Variants in ABCC1 observed in about 807,000 individuals in gnomAD.
ABCC1 encodes multidrug resistance-associated protein 1.
ABCC1 carries 83 observed loss-of-function variants against 172.9 expected under a neutral mutation model. The observed-to-expected ratio is 0.48, with a 90% CI of 0.40 to 0.58. The LOEUF (loss-of-function observed/expected upper bound fraction) is 0.58. Ranked by LOEUF, ABCC1 falls within the 20% of genes least tolerant of loss-of-function variation. The pLI is 0.00. For missense variants in ABCC1, 1,817 were observed against 2,002.7 expected (o/e 0.91, Z 1.77); for synonymous variants, 937 against 825.2 (o/e 1.14, Z -2.32).
At chr16:15,985,546 G>C (rs1182168437) in intron 1 of ABCC1, among the ~76,000 whole-genome samples, 5 of 152,108 alleles carry the variant, frequency 3.3e-5, no homozygotes, top group African/African-American at 1.2e-4. Context: ...CTGGGTTCAA[G>C]TGATTCTCCT....
chr16:16,137,655 C>G (rs1342277637), intron 29 of ABCC1, among the ~76,000 whole-genome samples: 1 of 137,168 alleles, frequency 7.3e-6, no homozygotes, highest in Non-Finnish European at 1.6e-5. Flanking sequence ...CAGGCTCAAG[C>G]AATTGTTCTG....
chr16:16,106,138 A>G (rs1023963029), intron 20 of ABCC1, among the ~76,000 whole-genome samples: 2 of 152,054 alleles, frequency 1.3e-5, no homozygotes, highest in Non-Finnish European at 2.9e-5. Flanking sequence ...CGGCCTCCCA[A>G]AGTGCTGGGA....
Position 15,970,875 on chromosome 16 carries a change from G to T in ABCC1, c.48+21076G>T, listed in dbSNP as rs980229635. ...CTCCGAAAGTGTTGGGATTACAGGT[G>T]TGAGCCATTATACCTGGCCTTCAAC... On this transcript the variant is annotated intron_variant, in intron 1 of 30. Transcript: ENST00000399410. Among the ~76,000 whole-genome samples, 3 of 152,208 alleles carry T rather than the reference G, an allele frequency of 2.0e-5. No homozygotes were observed. The South Asian group carries it at 6.2e-4, about 31-fold the overall frequency.
intron 23 of ABCC1, among the ~76,000 whole-genome samples, chr16:16,119,808 G>T (rs2045071687): frequency 6.6e-6 from 1 of 152,310 alleles, no homozygotes; most frequent in South Asian, 2.1e-4. Context: ...ACTTGAGAGC[G>T]ATTTGCATCT....
At chr16:16,024,618 C>T (rs890397721) in intron 5 of ABCC1, among the ~76,000 whole-genome samples, 11 of 152,130 alleles carry the variant, frequency 7.2e-5, no homozygotes, top group Non-Finnish European at 1.6e-4. Flanking sequence ...TCCCAAAATG[C>T]TAGGATTACA....
chr16:16,113,146 C>A (rs2044695189), intron 22 of ABCC1, among the ~76,000 whole-genome samples: 1 of 152,162 alleles, frequency 6.6e-6, no homozygotes. Flanking sequence ...GGTAGCAGAG[C>A]ACACATGGAC....
chr16:16,009,923 C>T (rs1597110991), intron 3 of ABCC1, 22 bp downstream of exon 3: 2 of 1,574,076 alleles, frequency 1.3e-6, no homozygotes, highest in Non-Finnish European at 1.7e-6. Context: ...CTGGCTGTGA[C>T]CCCTGGGCCA....
Position 16,044,128 on chromosome 16 carries a change from C to G in ABCC1, c.810-322C>G, listed in dbSNP as rs538242957. On this transcript the variant is annotated intron_variant, in intron 7 of 30. Coordinates refer to ENST00000399410, the MANE Select transcript of ABCC1 (RefSeq NM_004996.4). ...TTCTAAGTCTTTAACTTATTCAACT[C>G]GTTTAATCTTACCTACCTTGGAGGT... Among the ~76,000 whole-genome samples the G allele has an allele frequency of 1.6e-4, 24 of 152,326 alleles. No individual in the cohort carries two copies. In the Middle Eastern group the frequency reaches 0.014, roughly 86 times the overall value.
intron 16 of ABCC1, among the ~76,000 whole-genome samples, chr16:16,080,438 C>T (rs1411278951): frequency 6.6e-6 from 1 of 152,100 alleles, no homozygotes; most frequent in East Asian, 1.9e-4. Flanking sequence ...TGAAATTCCC[C>T]AGGAGTGAGC....
chr16:15,954,257 G>C (rs920922161), intron 1 of ABCC1, among the ~76,000 whole-genome samples: 1 of 152,090 alleles, frequency 6.6e-6, no homozygotes, highest in Non-Finnish European at 1.5e-5. Flanking sequence ...TTGAACTCCT[G>C]ACCTCAAGTG....
upstream of ABCC1, among the ~76,000 whole-genome samples, chr16:15,949,200 C>A (rs551362816): frequency 1.6e-4 from 25 of 152,238 alleles, 1 homozygote; most frequent in South Asian, 4.6e-3. Context: ...CCTTCATGAA[C>A]GTGGAGACTT....
At chr16:16,040,594 ATTTAT>A (rs896538467) in intron 7 of ABCC1, among the ~76,000 whole-genome samples, 4 of 150,882 alleles carry the variant, frequency 2.7e-5, no homozygotes, top group African/African-American at 9.8e-5. Flanking sequence ...GCCTTTTTAA[ATTTAT>A]TTTATTTTAT....
Position 15,998,873 on chromosome 16 carries a change from A to G in ABCC1, c.49-8943A>G, listed in dbSNP as rs34781067. ...GTGGCAGTGGTGATTATTATCAACT[A>G]TTAGTATCTGCTACTACGGTTTATT... is the stretch of plus-strand genomic sequence containing the variant. On this transcript the variant is annotated intron_variant, in intron 1 of 30. Coordinates refer to ENST00000399410, the MANE Select transcript of ABCC1 (RefSeq NM_004996.4). 5.6e-3 allele frequency among the ~76,000 whole-genome samples: 856 copies of G among 152,284 alleles called. 7 individuals are homozygous for G. Among genetic ancestry groups the G allele is most frequent in the South Asian group, 8.7e-3 (42 of 4,824 alleles).
Position 15,977,934 on chromosome 16 carries a change from A to G in ABCC1, c.48+28135A>G, listed in dbSNP as rs182372870. ...CCTGTGTTGAAGTTTTCTTCTTTTTACAGGCTGTACAACCTTGGGCAAGTT... is the reference window on the plus strand; with the variant it reads ...CCTGTGTTGAAGTTTTCTTCTTTTTGCAGGCTGTACAACCTTGGGCAAGTT... On this transcript the variant is annotated intron_variant, in intron 1 of 30. Coordinates refer to ENST00000399410, the MANE Select transcript of ABCC1 (RefSeq NM_004996.4). 3.3e-5 allele frequency among the ~76,000 whole-genome samples: 5 copies of G among 152,232 alleles called. No homozygotes were observed. In the East Asian group the frequency reaches 9.6e-4, roughly 29 times the overall value.
At chr16:16,060,407 A>G (rs956572297) in intron 12 of ABCC1, among the ~76,000 whole-genome samples, 1 of 151,784 alleles carries the variant, frequency 6.6e-6, no homozygotes, top group African/African-American at 2.4e-5. Flanking sequence ...CCCTTCTGTA[A>G]CTCCATGTTC....
chr16:16,045,881 G>C lies in ABCC1; in HGVS notation c.1086G>C (p.Gln362His), dbSNP rs746828599. 1.2e-6 allele frequency: 2 copies of C among 1,614,164 alleles called. No individual in the cohort carries two copies. The highest frequency in any genetic ancestry group is 1.7e-5 in the Admixed American group (1 of 60,006). ...ATGACACGAAGGCCCCAGACTGGCA[G>C]GGCTACTTCTACACCGTGCTGCTGT... ...FVNDTKAPDW[Q>H]GYFYTVLLFV... Residue 362 changes from glutamine (Q) to histidine (H), a missense_variant, in exon 9 of 31, where the codon CAG becomes CAC. By Grantham distance (24) the Gln-to-His change is conservative. Around this residue, in one of 3 missense-constraint regions of ABCC1, gnomAD observed 1,412 missense variants for 1,600.3 expected, o/e 0.88. Coordinates refer to ENST00000399410, the MANE Select transcript of ABCC1 (RefSeq NM_004996.4).
intron 21 of ABCC1, among the ~76,000 whole-genome samples, chr16:16,107,151 G>A (rs541593221): frequency 3.9e-5 from 6 of 152,144 alleles, no homozygotes; most frequent in Admixed American, 1.3e-4. Flanking sequence ...AGCAGCTCAG[G>A]GGGGTCTCAT....
At chr16:16,012,764 C>T (rs928899238) in intron 3 of ABCC1, among the ~76,000 whole-genome samples, 4 of 150,988 alleles carry the variant, frequency 2.6e-5, no homozygotes, top group African/African-American at 9.8e-5. Flanking sequence ...CTCACTGCAA[C>T]CTCTGCCTCC....
chr16:16,079,417 C>T lies in ABCC1; in HGVS notation c.2054C>T (p.Ser685Leu), dbSNP rs2151982171. 1 of 1,614,014 alleles carries T rather than the reference C, an allele frequency of 6.2e-7. No individual in the cohort carries two copies. The highest frequency in any genetic ancestry group is 8.5e-7 in the Non-Finnish European group (1 of 1,179,926). ...GTGGGCCAGGTGGGCTGCGGAAAGT[C>T]GTCCCTGCTCTCAGCCCTCTTGGCT... ...AVVGQVGCGK[S>L]SLLSALLAEM... Residue 685 changes from serine (S) to leucine (L), a missense_variant, in exon 16 of 31, where the codon TCG becomes TTG. Coordinates refer to ENST00000399410, the MANE Select transcript of ABCC1 (RefSeq NM_004996.4).
Sources: allele counts gnomAD v4.1 joint callset (sites outside exome capture counted in the v4.1 genomes callset), GRCh38; gene constraint gnomAD v4.1.1; regional missense constraint gnomAD v4.1.1; transcripts MANE v1.5; gene names NCBI Gene and HGNC (gene_info 2026-07-23, HGNC 2026-07-21).